PEX7: variants seen among roughly 807,000 people sequenced by gnomAD.
PEX7 encodes peroxisomal biogenesis factor 7.
PEX7 carries 34 observed loss-of-function variants against 47.5 expected under a neutral mutation model. The ratio of observed to expected loss-of-function variants is 0.72; its 90% CI spans 0.54 to 0.95. PEX7 has a LOEUF of 0.95. PEX7 is among the 40% of genes least tolerant of loss of function. The probability of loss-of-function intolerance (pLI) is 0.00; values close to 1 mark genes in which losing one functional copy is unlikely to be tolerated. For synonymous variants in PEX7, 141 were observed against 148.8 expected, an observed-to-expected ratio of 0.95 and a Z score of 0.38; for missense variants, 394 against 400.3, an observed-to-expected ratio of 0.98 and a Z score of 0.13.
At chr6:136,905,954 A>T (rs2115288048) in intron 9 of PEX7, among the ~76,000 whole-genome samples, 1 of 152,326 alleles carries the variant, frequency 6.6e-6, no homozygotes, top group South Asian at 2.1e-4. Context: ...ATTTCTCACC[A>T]ATATCTCTGA....
At chr6:136,880,742 T>C (rs1019215915) in intron 8 of PEX7, among the ~76,000 whole-genome samples, 33 of 152,382 alleles carry the variant, frequency 2.2e-4, no homozygotes, top group African/African-American at 7.7e-4. Flanking sequence ...GTATTAGATA[T>C]GGCCCAGTCT....
At chr6:136,841,906 TA>T (rs751894251) in intron 3 of PEX7, among the ~76,000 whole-genome samples, 69 of 144,102 alleles carry the variant, frequency 4.8e-4, no homozygotes, top group Middle Eastern at 3.6e-3. Context: ...TTTTTTAAAT[TA>T]AAAAAAAAAA....
At position 136,886,071 on chromosome 6, in the gene PEX7, T is replaced by C. The variant is rs570454674; in HGVS notation, c.804-12071T>C. Among the ~76,000 whole-genome samples the C allele has an allele frequency of 1.4e-4, 21 of 152,360 alleles. No individual in the cohort carries two copies. In the South Asian group the frequency reaches 4.1e-3, roughly 30 times the overall value. ...TGGATGGTGACAGAAGGCTGTCTCC[T>C]TGGGCTTGAGGCCATTTCAGCGCTC... On this transcript the variant is annotated intron_variant, in intron 8 of 9. Transcript: ENST00000318471.
intron 5 of PEX7, among the ~76,000 whole-genome samples, chr6:136,856,909 T>G (rs1774872007): frequency 6.6e-6 from 1 of 151,886 alleles, no homozygotes; most frequent in Admixed American, 6.5e-5. Context: ...GTGAAATGGA[T>G]ACAGTAAAGC....
intron 3 of PEX7, among the ~76,000 whole-genome samples, chr6:136,842,999 G>A (rs1774529363): frequency 6.6e-6 from 1 of 152,202 alleles, no homozygotes; most frequent in South Asian, 2.1e-4. Flanking sequence ...CCCAAATGTA[G>A]CTCCAGTAAA....
chr6:136,882,802 T>C (rs1198691157), intron 8 of PEX7, among the ~76,000 whole-genome samples: 1 of 152,164 alleles, frequency 6.6e-6, no homozygotes, highest in Non-Finnish European at 1.5e-5. Flanking sequence ...GCCTGTAACA[T>C]TTTCCTTCAT....
chr6:136,898,083 A>T, intron 8 of PEX7, 59 bp from the exon 9 acceptor site: 2 of 997,608 alleles, frequency 2.0e-6, no homozygotes, highest in Non-Finnish European at 3.2e-6. Context: ...ATTTTTTCTT[A>T]ATATAAGTTT....
intron 5 of PEX7, among the ~76,000 whole-genome samples, chr6:136,861,415 A>G (rs376387011): frequency 6.6e-6 from 1 of 152,168 alleles, no homozygotes; most frequent in African/African-American, 2.4e-5. Context: ...TCACATACTC[A>G]TATCTTATTA....
chr6:136,899,996 A>G (rs1470384978), intron 9 of PEX7, among the ~76,000 whole-genome samples: 8 of 152,222 alleles, frequency 5.3e-5, no homozygotes, highest in Non-Finnish European at 1.0e-4. Flanking sequence ...ATCCTAAGTA[A>G]ATATTCATTC....
chr6:136,839,176 T>C (rs1249731955), intron 3 of PEX7, among the ~76,000 whole-genome samples: 20 of 151,950 alleles, frequency 1.3e-4, no homozygotes, highest in Admixed American at 1.3e-3. Context: ...CAGAGTGAGA[T>C]CCTGTCTCAA....
intron 9 of PEX7, among the ~76,000 whole-genome samples, chr6:136,908,179 TTA>T (rs772511578): frequency 4.3e-4 from 65 of 152,226 alleles, no homozygotes; most frequent in Non-Finnish European, 8.5e-4. Context: ...TCAAGCTTTA[TTA>T]TATGTTTTGA....
chr6:136,894,743 C>A (rs1562755761), intron 8 of PEX7, among the ~76,000 whole-genome samples: 1 of 151,972 alleles, frequency 6.6e-6, no homozygotes, highest in Non-Finnish European at 1.5e-5. Context: ...AAAAATGTTC[C>A]TAGAGTTCTG....
intron 8 of PEX7, among the ~76,000 whole-genome samples, chr6:136,880,660 A>G (rs1425810559): frequency 6.6e-6 from 1 of 152,214 alleles, no homozygotes; most frequent in Non-Finnish European, 1.5e-5. Flanking sequence ...GGTTTTTGTA[A>G]GAATACAGTA....
intron 5 of PEX7, among the ~76,000 whole-genome samples, chr6:136,863,947 C>T (rs772837558): frequency 1.3e-5 from 2 of 152,070 alleles, no homozygotes; most frequent in Admixed American, 6.6e-5. Context: ...TGGCATTTGT[C>T]GTCCAGCAAC....
intron 3 of PEX7, among the ~76,000 whole-genome samples, chr6:136,828,143 A>G (rs907667841): frequency 1.3e-5 from 2 of 152,156 alleles, no homozygotes; most frequent in Admixed American, 1.3e-4. Flanking sequence ...CAATCAAGTA[A>G]AGTCGTTGCT....
intron 5 of PEX7, chr6:136,855,849 A>G (rs2115191981): frequency 7.9e-6 from 2 of 252,432 alleles, no homozygotes; most frequent in Non-Finnish European, 1.5e-5. Context: ...GTTTTTAATC[A>G]TTGTTCTCTT....
At chr6:136,842,001 T>C (rs1307320711) in intron 3 of PEX7, among the ~76,000 whole-genome samples, 23 of 149,388 alleles carry the variant, frequency 1.5e-4, no homozygotes, top group Non-Finnish European at 1.3e-4. Context: ...CTTTTCTTTT[T>C]CTTTTTTTTT....
In PEX7 at chr6:136,886,588, G is replaced by A. The variant is rs576597774; in HGVS notation, c.804-11554G>A. Among the ~76,000 whole-genome samples, 9 of 152,244 alleles carry A rather than the reference G, an allele frequency of 5.9e-5. No individual in the cohort carries two copies. The East Asian group carries it at 1.7e-3, about 29-fold the overall frequency. On this transcript the variant is annotated intron_variant, in intron 8 of 9. Coordinates refer to ENST00000318471, the MANE Select transcript of PEX7 (RefSeq NM_000288.4). ...TCATTCATGCCTTACCTAGCATTACGTTAATAACATAATTATATTGCTTAC... is the reference window on the plus strand; with the variant it reads ...TCATTCATGCCTTACCTAGCATTACATTAATAACATAATTATATTGCTTAC...
chr6:136,905,353 G>C (rs1172347205), intron 9 of PEX7, among the ~76,000 whole-genome samples: 5 of 152,106 alleles, frequency 3.3e-5, no homozygotes, highest in Non-Finnish European at 7.4e-5. Flanking sequence ...CCACTGTCCT[G>C]TCACACTATC....
Sources: allele counts gnomAD v4.1 joint callset (sites outside exome capture counted in the v4.1 genomes callset), GRCh38; gene constraint gnomAD v4.1.1; transcripts MANE v1.5; gene names NCBI Gene and HGNC (gene_info 2026-07-23, HGNC 2026-07-21).